The following DNAJC1 variants were observed in gnomAD, a reference collection of about 807,000 sequenced individuals.
The protein encoded by DNAJC1 is DnaJ heat shock protein family (Hsp40) member C1.
A neutral mutation model predicts 76.6 loss-of-function variants in DNAJC1; 58 were observed. The observed-to-expected ratio is 0.76, with a 90% CI of 0.61 to 0.94. The LOEUF is 0.94. Ranked by LOEUF, DNAJC1 falls within the 40% of genes least tolerant of loss-of-function variation. The pLI is 0.00. For synonymous variants in DNAJC1, 258 were observed against 267.9 expected (o/e 0.96, Z 0.36); for missense variants, 689 against 677.3 (o/e 1.02, Z -0.19).
intron 1 of DNAJC1, among the ~76,000 whole-genome samples, chr10:21,954,311 G>A (rs1837646991): frequency 6.6e-6 from 1 of 152,156 alleles, no homozygotes; most frequent in African/African-American, 2.4e-5. Flanking sequence ...CTCTCAGGAT[G>A]TAGTCATAAT....
Position 21,766,280 on chromosome 10 carries a change from A to G in DNAJC1, c.1128T>C (p.Asp376=). Residue 376 remains aspartate, a synonymous_variant, in exon 10 of 12, where the codon GAT becomes GAC. Transcript: ENST00000376980. ...ACTCACCTGGGGAGCAGGTCACTGA[A>G]TCCTTCAGTTGCTTGGCTTTGGTTG... ...DVTTKAKQLK[D]SVTCSPGMVR... is the part of the protein sequence containing the mutation. 1 of 1,613,916 alleles carries G rather than the reference A, an allele frequency of 6.2e-7. No individual in the cohort carries two copies. The highest frequency in any genetic ancestry group is 1.3e-5 in the African/African-American group (1 of 75,032).
intron 1 of DNAJC1, among the ~76,000 whole-genome samples, chr10:21,976,888 G>A (rs1346815199): frequency 3.9e-5 from 6 of 151,994 alleles, no homozygotes; most frequent in South Asian, 2.1e-4. Context: ...GAATGCCGCC[G>A]GCCCACCCAC....
chr10:21,799,917 A>G (rs1834795449), intron 9 of DNAJC1, among the ~76,000 whole-genome samples: 1 of 152,156 alleles, frequency 6.6e-6, no homozygotes, highest in Non-Finnish European at 1.5e-5. Context: ...CACAGAATCT[A>G]GTGTTGCTGA....
chr10:21,997,593 G>A (rs1044482826), intron 1 of DNAJC1, among the ~76,000 whole-genome samples: 2 of 152,142 alleles, frequency 1.3e-5, no homozygotes, highest in Non-Finnish European at 2.9e-5. Flanking sequence ...TGTTAGAGAT[G>A]GGTCTAGTGA....
At chr10:21,918,736 A>T (rs1836992749) in intron 6 of DNAJC1, 43 bp downstream of exon 6, 3 of 1,436,980 alleles carry the variant, frequency 2.1e-6, no homozygotes, top group Non-Finnish European at 2.0e-6. Context: ...ATGAGTGATT[A>T]AAAATAAAAG....
At chr10:21,897,510 T>C (rs1836563006) in intron 7 of DNAJC1, among the ~76,000 whole-genome samples, 1 of 152,300 alleles carries the variant, frequency 6.6e-6, no homozygotes, top group African/African-American at 2.4e-5. Flanking sequence ...CCAGACCGCC[T>C]AGCAGGAGGT....
intron 1 of DNAJC1, among the ~76,000 whole-genome samples, chr10:21,971,275 C>T (rs1043632217): frequency 6.6e-6 from 1 of 151,748 alleles, no homozygotes; most frequent in Non-Finnish European, 1.5e-5. Context: ...GGCTGATCAA[C>T]AATTCAGTAA....
intron 8 of DNAJC1, among the ~76,000 whole-genome samples, chr10:21,807,673 G>A (rs1260590711): frequency 6.6e-6 from 1 of 152,138 alleles, no homozygotes; most frequent in East Asian, 1.9e-4. Context: ...TAGTAGGGAG[G>A]ATTTTATCAA....
At chr10:21,948,436 T>C (rs1001259400) in intron 1 of DNAJC1, among the ~76,000 whole-genome samples, 3 of 152,206 alleles carry the variant, frequency 2.0e-5, no homozygotes, top group African/African-American at 7.2e-5. Context: ...CAAGTCAGTA[T>C]TATTGAAATT....
rs1043035840 is a variant in DNAJC1, at chr10:21,804,106, G to C, written c.1098+1874C>G. The stretch of plus-strand genomic sequence containing the variant: ...TACTAGGATCTATGAGGCTTTGTTG[G>C]TTATATCCTGTGTATTCTTGGCATT... On this transcript the variant is annotated intron_variant, in intron 9 of 11. Coordinates refer to ENST00000376980, the MANE Select transcript of DNAJC1 (RefSeq NM_022365.4). The C allele has an allele frequency of 2.0e-5, 6 of 296,342 alleles. 2 individuals carry two copies. Among genetic ancestry groups the C allele is most frequent in the African/African-American group, 1.4e-4 (6 of 43,858 alleles). 18.4% of individuals were successfully genotyped at this position (296,342 alleles called of 1,614,324 possible).
intron 1 of DNAJC1, among the ~76,000 whole-genome samples, chr10:21,990,566 T>C (rs900295787): frequency 6.6e-6 from 1 of 152,172 alleles, no homozygotes; most frequent in Non-Finnish European, 1.5e-5. Flanking sequence ...CACTGAGTAG[T>C]ATTATACAAA....
chr10:21,806,716 A>T (rs1481157364), intron 8 of DNAJC1, among the ~76,000 whole-genome samples: 3 of 149,886 alleles, frequency 2.0e-5, no homozygotes, highest in African/African-American at 7.3e-5. Flanking sequence ...TTTTTTTTTT[A>T]AACTTCGGAA....
At chr10:21,833,714 TAATA>T (rs1835399938) in intron 8 of DNAJC1, among the ~76,000 whole-genome samples, 1 of 152,178 alleles carries the variant, frequency 6.6e-6, no homozygotes, top group Non-Finnish European at 1.5e-5. Context: ...AGTAGCCACT[TAATA>T]AATGTTAGCT....
intron 1 of DNAJC1, among the ~76,000 whole-genome samples, chr10:21,993,634 T>C (rs1370350395): frequency 6.6e-6 from 1 of 152,154 alleles, no homozygotes; most frequent in African/African-American, 2.4e-5. Context: ...TTTGTATTTA[T>C]GCATTTTTTC....
chr10:21,896,176 C>T (rs1344982043), intron 7 of DNAJC1, among the ~76,000 whole-genome samples: 2 of 152,204 alleles, frequency 1.3e-5, no homozygotes, highest in Non-Finnish European at 2.9e-5. Flanking sequence ...GGGGCCACCA[C>T]TAAGACCTCA....
chr10:21,879,939 T>A (rs1453727654), intron 8 of DNAJC1, among the ~76,000 whole-genome samples: 1 of 152,300 alleles, frequency 6.6e-6, no homozygotes, highest in East Asian at 1.9e-4. Context: ...CACAAAATAT[T>A]TCTCTGTAGC....
chr10:21,801,909 T>G (rs147626162), intron 9 of DNAJC1, among the ~76,000 whole-genome samples: 215 of 152,248 alleles, frequency 1.4e-3, no homozygotes, highest in Non-Finnish European at 2.0e-3. Flanking sequence ...AAATACCACA[T>G]GTTCTCACTT....
rs375183325 is a variant in DNAJC1 at position 21,953,584 on chromosome 10, T to C, written c.223-24443A>G. ...AATATAAAATATGCATTTGGAAAGA[T>C]ACAGGAAATGTTTTCCCTTAGAAAG... On this transcript the variant is annotated intron_variant, in intron 1 of 11. Transcript: ENST00000376980. Among the ~76,000 whole-genome samples, 14 of 151,800 alleles carry C rather than the reference T, an allele frequency of 9.2e-5. No homozygotes were observed. In the East Asian group the frequency reaches 1.9e-3, roughly 21 times the overall value.
intron 9 of DNAJC1, among the ~76,000 whole-genome samples, chr10:21,773,785 A>C (rs1365478704): frequency 1.3e-5 from 2 of 151,620 alleles, no homozygotes; most frequent in African/African-American, 4.8e-5. Context: ...GCCTTTTTAT[A>C]AATGTCCCTC....
Sources: allele counts gnomAD v4.1 joint callset (sites outside exome capture counted in the v4.1 genomes callset), GRCh38; gene constraint gnomAD v4.1.1; transcripts MANE v1.5; gene names NCBI Gene and HGNC (gene_info 2026-07-23, HGNC 2026-07-21).